The following SMPDL3A variants were observed in gnomAD, a reference collection of about 807,000 sequenced individuals.
SMPDL3A encodes the protein sphingomyelin phosphodiesterase acid like 3A, also known as cyclic GMP-AMP phosphodiesterase SMPDL3A.
A neutral mutation model predicts 38.5 loss-of-function variants in SMPDL3A; 39 were observed. The observed-to-expected ratio is 1.01, with a 90% CI of 0.78 to 1.32. The LOEUF is 1.32. Among genes scored for constraint, SMPDL3A ranks in the 40% most tolerant of loss-of-function variants. SMPDL3A has a pLI of 0.00. For missense variants in SMPDL3A, 502 were observed against 536.2 expected (o/e 0.94, Z 0.63); for synonymous variants, 180 against 194.3 (o/e 0.93, Z 0.61).
chr6:122,800,606 G>T (rs1781396156), intron 3 of SMPDL3A, among the ~76,000 whole-genome samples: 1 of 152,124 alleles, frequency 6.6e-6, no homozygotes, highest in Non-Finnish European at 1.5e-5. Flanking sequence ...CTGTGCCTAT[G>T]CCTATGCCTA....
chr6:122,799,248 G>A (rs935148470), intron 3 of SMPDL3A, among the ~76,000 whole-genome samples: 35 of 152,130 alleles, frequency 2.3e-4, no homozygotes, highest in Non-Finnish European at 1.3e-4. Context: ...TGGTGCCACC[G>A]AATTTGTGGG....
intron 1 of SMPDL3A, among the ~76,000 whole-genome samples, chr6:122,792,505 GT>G (rs1466034441): frequency 6.6e-6 from 1 of 152,156 alleles, no homozygotes; most frequent in African/African-American, 2.4e-5. Context: ...TCAGAGGGGT[GT>G]ACTCTTAATG....
chr6:122,808,501 A>G (rs1359961058), intron 7 of SMPDL3A, among the ~76,000 whole-genome samples: 5 of 151,702 alleles, frequency 3.3e-5, no homozygotes. Flanking sequence ...TATTTTGTTC[A>G]CCTCTCTTTA....
chr6:122,808,223 C>T (rs1269722836), intron 7 of SMPDL3A, among the ~76,000 whole-genome samples: 6 of 152,268 alleles, frequency 3.9e-5, no homozygotes, highest in East Asian at 3.9e-4. Context: ...TAGATCACCA[C>T]GCATACAATG....
intron 7 of SMPDL3A, among the ~76,000 whole-genome samples, chr6:122,808,601 CCCTCCCTCCCTTCCTT>C (rs1324255496): frequency 3.4e-4 from 18 of 53,114 alleles, no homozygotes; most frequent in East Asian, 2.6e-3. Flanking sequence ...CTTCCTCCCT[CCCTCCCTCCCTTCCTT>C]CCTTCCTTCC....
chr6:122,792,591 C>G (rs983642970), intron 1 of SMPDL3A, among the ~76,000 whole-genome samples: 1 of 149,962 alleles, frequency 6.7e-6, no homozygotes, highest in African/African-American at 2.5e-5. Flanking sequence ...TTCACAGTAT[C>G]TCGAGTGTAG....
At chr6:122,800,805 C>T (rs775918001) in intron 3 of SMPDL3A, among the ~76,000 whole-genome samples, 11 of 152,064 alleles carry the variant, frequency 7.2e-5, no homozygotes, top group Non-Finnish European at 1.5e-4. Flanking sequence ...GGCTGAAGTG[C>T]AGTGGTGCGA....
At chr6:122,803,386 C>T (rs1781488190) in intron 4 of SMPDL3A, among the ~76,000 whole-genome samples, 1 of 152,126 alleles carries the variant, frequency 6.6e-6, no homozygotes, top group African/African-American at 2.4e-5. Context: ...TGCTTACTGC[C>T]GAAACACTTA....
Position 122,794,174 on chromosome 6 carries a change from C to T in SMPDL3A, c.113-1503C>T, listed in dbSNP as rs573103068. On this transcript the variant is annotated intron_variant, in intron 1 of 7. Transcript: ENST00000368440. ...AAAATGAGGACCATAATTCCCAGTTCGGAGAGCAGTTTTGAGAATCAAATG... is the reference window on the plus strand; with the variant it reads ...AAAATGAGGACCATAATTCCCAGTTTGGAGAGCAGTTTTGAGAATCAAATG... Among the ~76,000 whole-genome samples, 6 of 152,200 alleles carry T rather than the reference C, an allele frequency of 3.9e-5. No individual in the cohort carries two copies. The East Asian group carries it at 9.7e-4, about 25-fold the overall frequency.
At position 122,809,517 on chromosome 6, in the gene SMPDL3A, G is replaced by T; in HGVS notation, c.*109G>T. On this transcript the variant is annotated 3_prime_UTR_variant, in exon 8 of 8. Coordinates refer to ENST00000368440, the MANE Select transcript of SMPDL3A (RefSeq NM_006714.5). ...TACTGAGTGGGCAAGTAGACTTCCT[G>T]TCTTTGCTTTCTTTTTTTTTTTCTT... 2.7e-6 allele frequency: 2 copies of T among 737,108 alleles called. No homozygotes were observed. The highest frequency in any genetic ancestry group is 2.2e-6 in the Non-Finnish European group (1 of 459,520). 45.7% of individuals were successfully genotyped at this position (737,108 alleles called of 1,614,324 possible). A position where few individuals can be genotyped will look rare whatever the true frequency, so the allele number is the denominator to read the frequency against.
Position 122,808,640 on chromosome 6 carries a change from TTCCCCCCCTCC to T in SMPDL3A, c.1045-443_1045-433del, listed in dbSNP as rs199842591. On this transcript the variant is annotated intron_variant, in intron 7 of 7. Coordinates refer to ENST00000368440, the MANE Select transcript of SMPDL3A (RefSeq NM_006714.5). ...CTTCCTTCCTTCCTTCCTTCCTTCC[TTCCCCCCCTCC>T]TCCCCCCTCCCTCCCTCTCCTTCTT... Among the ~76,000 whole-genome samples, 66 of 38,136 alleles carry T rather than the reference TTCCCCCCCTCC, an allele frequency of 1.7e-3. No homozygotes were observed. The East Asian group carries it at 0.041, about 23-fold the overall frequency. The allele number at this position is 38,136 out of a possible 152,430, so 25.0% of individuals were successfully genotyped here. A position where few individuals can be genotyped will look rare whatever the true frequency, so the allele number is the denominator to read the frequency against.
chr6:122,790,128 G>T (rs1781028367), intron 1 of SMPDL3A, among the ~76,000 whole-genome samples: 1 of 152,146 alleles, frequency 6.6e-6, no homozygotes. Flanking sequence ...CACAGTGCCC[G>T]TTACAGTAGT....
chr6:122,790,185 T>C (rs558543240), intron 1 of SMPDL3A, among the ~76,000 whole-genome samples: 1 of 152,254 alleles, frequency 6.6e-6, no homozygotes, highest in South Asian at 2.1e-4. Context: ...CCGCCGCACT[T>C]AAAATTGTTA....
chr6:122,798,803 C>G (rs534635405), intron 3 of SMPDL3A, among the ~76,000 whole-genome samples: 1 of 150,884 alleles, frequency 6.6e-6, no homozygotes, highest in South Asian at 2.1e-4. Context: ...TACCTAACTT[C>G]TATAACATAT....
At chr6:122,806,388 T>C (rs764936044) in intron 7 of SMPDL3A, 31 bp downstream of exon 7, 3 of 1,581,782 alleles carry the variant, frequency 1.9e-6, no homozygotes, top group South Asian at 1.2e-5. Context: ...GCTGACCCCA[T>C]ATTTATGCAT....
In SMPDL3A at chr6:122,795,741, A is replaced by T. The variant is rs774289503; in HGVS notation, c.177A>T (p.Thr59=). The stretch of plus-strand genomic sequence containing the variant: ...CTTACCACATCACAGATGACCACAC[A>T]AAAGTGTGTGCTTCATCTAAAGGTG... ...DPTYHITDDH[T]KVCASSKGAN... The change falls in exon 2 of 8, where the codon ACA becomes ACT. Residue 59 remains threonine (T), a synonymous_variant. Coordinates refer to ENST00000368440, the MANE Select transcript of SMPDL3A (RefSeq NM_006714.5). 1 of 1,614,040 alleles carries T rather than the reference A, an allele frequency of 6.2e-7. No homozygotes were observed. The highest frequency in any genetic ancestry group is 1.3e-5 in the African/African-American group (1 of 74,920).
intron 6 of SMPDL3A, 149 bp downstream of exon 6, chr6:122,805,238 A>G (rs1781573456): frequency 1.6e-6 from 1 of 631,076 alleles, no homozygotes; most frequent in East Asian, 3.1e-5. Context: ...CAATGGTTGT[A>G]TGATGAGTGT....
Position 122,789,295 on chromosome 6 carries a change from C to T in SMPDL3A, c.-52C>T, listed in dbSNP as rs994301075. 16 of 1,323,952 alleles carry T rather than the reference C, an allele frequency of 1.2e-5. No individual in the cohort carries two copies. The highest frequency in any genetic ancestry group is 1.7e-5 in the Non-Finnish European group (16 of 962,362). The allele number at this position is 1,323,952 out of a possible 1,614,324, so 82.0% of individuals were successfully genotyped here. A position where few individuals can be genotyped will look rare whatever the true frequency, so the allele number is the denominator to read the frequency against. ...CGCCTCACCCTCAGGCCTGACGGTC[C>T]GAGTGGAGCTGCGGGACAGCCCGAA... On this transcript the variant is annotated 5_prime_UTR_variant, in exon 1 of 8. Coordinates refer to ENST00000368440, the MANE Select transcript of SMPDL3A (RefSeq NM_006714.5).
intron 1 of SMPDL3A, chr6:122,789,823 G>C (rs1351233260): frequency 1.0e-6 from 1 of 985,234 alleles, no homozygotes; most frequent in Non-Finnish European, 1.2e-6. Context: ...GGAAGAGGAA[G>C]CTGGGAGTCC....
Sources: allele counts gnomAD v4.1 joint callset (sites outside exome capture counted in the v4.1 genomes callset), GRCh38; gene constraint gnomAD v4.1.1; transcripts MANE v1.5; gene names NCBI Gene and HGNC (gene_info 2026-07-23, HGNC 2026-07-21).